Variants in UGT2B28 observed in about 807,000 individuals in gnomAD.
UGT2B28 encodes the protein UDP-glucuronosyltransferase 2B28.
UGT2B28 carries 45 observed loss-of-function variants against 43.6 expected under a neutral mutation model. The observed-to-expected ratio is 1.03, with a 90% CI of 0.81 to 1.32. The LOEUF is 1.32. Among genes scored for constraint, UGT2B28 ranks in the 40% most tolerant of loss-of-function variants. The probability of loss-of-function intolerance (pLI) is 0.00; values close to 1 mark genes in which losing one functional copy is unlikely to be tolerated. For missense variants in UGT2B28, 649 were observed against 625.5 expected (o/e 1.04, Z -0.40); for synonymous variants, 204 against 208.1 (o/e 0.98, Z 0.17).
In UGT2B28 at chr4:69,284,124, TA is replaced by T. The variant is rs1723701682; in HGVS notation, c.870+1465del. Among the ~76,000 whole-genome samples the T allele has an allele frequency of 3.6e-5, 5 of 140,058 alleles. 1 individual carries two copies. In the South Asian group the frequency reaches 1.2e-3, roughly 34 times the overall value. 91.9% of individuals were successfully genotyped at this position (140,058 alleles called of 152,430 possible). A position where few individuals can be genotyped will look rare whatever the true frequency, so the allele number is the denominator to read the frequency against. ...GTCTGCCATATGACAAGCAACTCAG[TA>T]AAGCTTTCTGGGGGAACTTATCTCA... On this transcript the variant is annotated intron_variant, in intron 2 of 5. Coordinates refer to ENST00000335568, the MANE Select transcript of UGT2B28 (RefSeq NM_053039.2).
In UGT2B28 at chr4:69,291,417, A is replaced by G. The variant is rs182893113; in HGVS notation, c.1310+606A>G. Reference sequence around the variant, plus strand: ...ACTGCTTAGTCCTAGTCTAACACCAATTTGTTTTCTTTCTCTATAAGTTAT... The same window carrying G: ...ACTGCTTAGTCCTAGTCTAACACCAGTTTGTTTTCTTTCTCTATAAGTTAT... On this transcript the variant is annotated intron_variant, in intron 5 of 5. Transcript: ENST00000335568. 2.1e-3 allele frequency among the ~76,000 whole-genome samples: 302 copies of G among 140,644 alleles called. 68 individuals carry two copies. The highest frequency in any genetic ancestry group is 7.9e-3 in the African/African-American group (286 of 36,126). The allele number at this position is 140,644 out of a possible 152,430, so 92.3% of individuals were successfully genotyped here. A position where few individuals can be genotyped will look rare whatever the true frequency, so the allele number is the denominator to read the frequency against.
intron 2 of UGT2B28, among the ~76,000 whole-genome samples, chr4:69,285,464 G>A (rs1294002673): frequency 1.4e-5 from 2 of 139,404 alleles, no homozygotes; most frequent in African/African-American, 2.8e-5. Flanking sequence ...TCAAGCCAGT[G>A]AGATGAAACA....
intron 5 of UGT2B28, among the ~76,000 whole-genome samples, chr4:69,292,515 C>T (rs1164274268): frequency 1.4e-5 from 2 of 140,776 alleles, no homozygotes; most frequent in African/African-American, 2.8e-5. Context: ...TATACAAATA[C>T]TTTCACTCAA....
chr4:69,288,175 A>T (rs1156325380), intron 3 of UGT2B28, among the ~76,000 whole-genome samples: 1 of 139,738 alleles, frequency 7.2e-6, no homozygotes, highest in Non-Finnish European at 1.5e-5. Context: ...ATCCAAAATT[A>T]ACGATACTGG....
intron 5 of UGT2B28, 87 bp from the exon 6 acceptor site, chr4:69,294,443 T>A: frequency 1.6e-6 from 2 of 1,249,410 alleles, no homozygotes; most frequent in Non-Finnish European, 2.1e-6. Flanking sequence ...TTGAATTATT[T>A]GACACTTTAA....
intron 3 of UGT2B28, among the ~76,000 whole-genome samples, chr4:69,287,252 C>T (rs772910920): frequency 2.1e-5 from 3 of 140,350 alleles, no homozygotes; most frequent in Admixed American, 7.2e-5. Context: ...GAAAATGGTG[C>T]CTAATGTAGT....
rs575571449 is a variant in UGT2B28 at position 69,285,203 on chromosome 4, G to T, written c.871-1549G>T. ...TAAATAAGTGTCACATGTATACATT[G>T]ACCTATATAAATAGGACAAAATCCA... On this transcript the variant is annotated intron_variant, in intron 2 of 5. Transcript: ENST00000335568. 7.9e-5 allele frequency among the ~76,000 whole-genome samples: 11 copies of T among 139,310 alleles called. 2 individuals are homozygous for T. The highest frequency in any genetic ancestry group is 1.4e-4 in the Admixed American group (2 of 13,868). The allele number at this position is 139,310 out of a possible 152,430, so 91.4% of individuals were successfully genotyped here.
chr4:69,292,116 GATAT>G (rs1373372113), intron 5 of UGT2B28, among the ~76,000 whole-genome samples: 1 of 140,322 alleles, frequency 7.1e-6, no homozygotes, highest in East Asian at 2.0e-4. Context: ...GGTCAAATCA[GATAT>G]ATAATTTTTA....
rs72551401 is a variant in UGT2B28, at chr4:69,281,001, G to A, written c.501G>A (p.Pro167=). 1,490 of 1,559,484 alleles carry A rather than the reference G, an allele frequency of 9.6e-4. 243 individuals are homozygous for A. Among genetic ancestry groups the A allele is most frequent in the African/African-American group, 5.8e-3 (383 of 66,074 alleles). ...GELLAALLNI[P]FVYSLCFTPG... ...TGCTGGCTGCGCTACTTAACATACCGTTTGTGTACAGTCTCTGCTTCACTC... is the reference window on the plus strand; with the variant it reads ...TGCTGGCTGCGCTACTTAACATACCATTTGTGTACAGTCTCTGCTTCACTC... The change falls in exon 1 of 6, where the codon CCG becomes CCA. Residue 167 remains proline (P), a synonymous_variant. Coordinates refer to ENST00000335568, the MANE Select transcript of UGT2B28 (RefSeq NM_053039.2).
In UGT2B28 at chr4:69,284,105, C is replaced by T. The variant is rs1422692043; in HGVS notation, c.870+1443C>T. 5.0e-5 allele frequency among the ~76,000 whole-genome samples: 7 copies of T among 139,502 alleles called. 1 individual carries two copies. Among genetic ancestry groups the T allele is most frequent in the Admixed American group, 4.3e-4 (6 of 13,944 alleles). 91.5% of individuals were successfully genotyped at this position (139,502 alleles called of 152,430 possible). ...CCCTATTAGAGCAGACGATGTCTGCCATATGACAAGCAACTCAGTAAAGCT... is the reference window on the plus strand; with the variant it reads ...CCCTATTAGAGCAGACGATGTCTGCTATATGACAAGCAACTCAGTAAAGCT... On this transcript the variant is annotated intron_variant, in intron 2 of 5. Transcript: ENST00000335568.
Position 69,280,505 on chromosome 4 carries a change from C to A in UGT2B28, c.5C>A (p.Ala2Asp). The A allele has an allele frequency of 1.3e-6, 2 of 1,553,044 alleles. 1 individual carries two copies. The highest frequency in any genetic ancestry group is 2.4e-5 in the South Asian group (2 of 83,194). ...GAATGATTGCATTGCACCAGGATGGCTCTGAAGTGGACTTCAGTTCTTCTG... is the reference window on the plus strand; with the variant it reads ...GAATGATTGCATTGCACCAGGATGGATCTGAAGTGGACTTCAGTTCTTCTG... Reference protein sequence around the residue: MALKWTSVLLLI... With the variant: MDLKWTSVLLLI... The change falls in exon 1 of 6, where the codon GCT becomes GAT. Residue 2 changes from alanine to aspartate, a missense_variant. Physicochemically the swap from Ala to Asp is moderately radical, Grantham distance 126 (BLOSUM62 -2). Transcript: ENST00000335568.
At chr4:69,281,333 A>G (rs1319369809) in intron 1 of UGT2B28, 112 bp downstream of exon 1, 44 of 1,243,446 alleles carry the variant, frequency 3.5e-5, no homozygotes, top group Non-Finnish European at 4.1e-5. Context: ...AAGTGAATTT[A>G]TGAAATGAAA....
rs530629023 is a variant in UGT2B28, at chr4:69,288,854, C to A, written c.1003-811C>A. Among the ~76,000 whole-genome samples the A allele has an allele frequency of 5.7e-5, 8 of 140,566 alleles. 2 individuals are homozygous for A. The Admixed American group carries it at 5.7e-4, about 10-fold the overall frequency. 92.2% of individuals were successfully genotyped at this position (140,566 alleles called of 152,430 possible). ...GTGAGGACATGTCACATTTGGATTT[C>A]AATTCCTGTTAGTTTCCTAAGGCTA... is the stretch of plus-strand genomic sequence containing the variant. On this transcript the variant is annotated intron_variant, in intron 3 of 5. Transcript: ENST00000335568.
intron 3 of UGT2B28, among the ~76,000 whole-genome samples, chr4:69,289,439 T>A (rs1274718732): frequency 2.1e-5 from 3 of 141,018 alleles, no homozygotes; most frequent in Non-Finnish European, 4.6e-5. Flanking sequence ...TTTTCATTGA[T>A]AATCTTATTT....
chr4:69,290,958 T>C (rs1723938758), intron 5 of UGT2B28, 147 bp downstream of exon 5: 2 of 1,164,854 alleles, frequency 1.7e-6, no homozygotes, highest in Non-Finnish European at 2.3e-6. Flanking sequence ...TTGTTTTTTA[T>C]CTGTTATTTA....
In UGT2B28 at chr4:69,290,029, C is replaced by T. The variant is rs1192413691; in HGVS notation, c.1090+277C>T. ...TCAGTATCTTCCTGGGCTGTCTCTC[C>T]GTCTCCTGTTTCTACAACTTTACAC... On this transcript the variant is annotated intron_variant, in intron 4 of 5. Transcript: ENST00000335568. Among the ~76,000 whole-genome samples the T allele has an allele frequency of 1.6e-4, 22 of 140,052 alleles. 5 individuals are homozygous for T. The highest frequency in any genetic ancestry group is 5.6e-4 in the African/African-American group (20 of 35,734). The allele number at this position is 140,052 out of a possible 152,430, so 91.9% of individuals were successfully genotyped here.
chr4:69,280,575 G>A lies in UGT2B28; in HGVS notation c.75G>A (p.Lys25=), dbSNP rs766617089. The A allele has an allele frequency of 9.6e-6, 15 of 1,560,474 alleles. 3 individuals carry two copies. Among genetic ancestry groups the A allele is most frequent in the East Asian group, 2.3e-5 (1 of 43,604 alleles). Reference sequence around the variant, plus strand: ...ACTTTAGCTCTGGGAGTTGTGGAAAGGTGCTGGTGTGGACCGGTGAATACA... The same window carrying A: ...ACTTTAGCTCTGGGAGTTGTGGAAAAGTGCTGGTGTGGACCGGTGAATACA... ...GCYFSSGSCG[K]VLVWTGEYSH... Residue 25 remains lysine (K), a synonymous_variant, in exon 1 of 6, where the codon AAG becomes AAA. Transcript: ENST00000335568.
In UGT2B28 at chr4:69,280,671, A is replaced by T. The variant is rs1723569673; in HGVS notation, c.171A>T (p.Ala57=). 1 of 1,561,434 alleles carries T rather than the reference A, an allele frequency of 6.4e-7. No individual in the cohort carries two copies. The highest frequency in any genetic ancestry group is 1.5e-5 in the African/African-American group (1 of 66,174). ...GAGGTCATGAGGTGACTGTACTGGC[A>T]TCTTCAGCTTCCATTCTTTTTGATC... ...VQRGHEVTVL[A]SSASILFDPN... The change falls in exon 1 of 6, where the codon GCA becomes GCT. Residue 57 remains alanine (A), a synonymous_variant. Coordinates refer to ENST00000335568, the MANE Select transcript of UGT2B28 (RefSeq NM_053039.2).
rs766077690 is a variant in UGT2B28 at position 69,294,507 on chromosome 4, G to T, written c.1311-23G>T. The T allele has an allele frequency of 5.4e-5, 82 of 1,512,308 alleles. 11 individuals carry two copies. Among genetic ancestry groups the T allele is most frequent in the Non-Finnish European group, 7.0e-5 (79 of 1,132,672 alleles). The allele number at this position is 1,512,308 out of a possible 1,614,324, so 93.7% of individuals were successfully genotyped here. A position where few individuals can be genotyped will look rare whatever the true frequency, so the allele number is the denominator to read the frequency against. On this transcript the variant is annotated intron_variant, in intron 5 of 5. Coordinates refer to ENST00000335568, the MANE Select transcript of UGT2B28 (RefSeq NM_053039.2). ...GCCAGTTAACTTACTTTCAGTGTTGGTATCTTTATTTTTATCCTTCAGATA... is the reference window on the plus strand; with the variant it reads ...GCCAGTTAACTTACTTTCAGTGTTGTTATCTTTATTTTTATCCTTCAGATA...
Sources: gnomAD v4.1 joint callset for allele counts (sites outside exome capture counted in the v4.1 genomes callset) on GRCh38, gnomAD v4.1.1 for gene constraint, MANE v1.5 for transcripts, NCBI Gene and HGNC (gene_info 2026-07-23, HGNC 2026-07-21) for gene names.